Variants in DEFB125 observed in about 807,000 individuals in gnomAD.
The protein encoded by DEFB125 is defensin beta 125.
DEFB125 carries 11 observed loss-of-function variants against 11.8 expected under a neutral mutation model. The ratio of observed to expected loss-of-function variants is 0.94; its 90% CI spans 0.59 to 1.55. The LOEUF (loss-of-function observed/expected upper bound fraction) is 1.55. Among genes scored for constraint, DEFB125 ranks in the 40% most tolerant of loss-of-function variants. DEFB125 has a pLI of 0.00. For synonymous variants in DEFB125, 79 were observed against 66.7 expected, an observed-to-expected ratio of 1.18 and a Z score of -0.90; for missense variants, 198 against 191.2, an observed-to-expected ratio of 1.04 and a Z score of -0.21.
rs753566285 is a variant in DEFB125, at chr20:96,294, T to C, written c.348T>C (p.Asn116=). 6 of 1,613,982 alleles carry C rather than the reference T, an allele frequency of 3.7e-6. No individual in the cohort carries two copies. The highest frequency in any genetic ancestry group is 5.1e-6 in the Non-Finnish European group (6 of 1,180,010). Residue 116 remains asparagine (N), a synonymous_variant, in exon 2 of 2, where the codon AAT becomes AAC. Transcript: ENST00000382410. ...GAGAAACCATGACACCTGAGACCAA[T>C]ACTCCTGAGACTACTATGCCACCAT... ...KFGETMTPET[N]TPETTMPPSE...
rs1400007447 is a variant in DEFB125 at position 96,054 on chromosome 20, A to G, written c.108A>G (p.Arg36=). ...GGAAGAATAATGTAGGACATTGCAG[A>G]AGACGATGTTTAGATACTGAAAGGT... ...KCWKNNVGHC[R]RRCLDTERYI... is the part of the protein sequence containing the mutation. The change falls in exon 2 of 2, where the codon AGA becomes AGG. Residue 36 remains arginine, a synonymous_variant. Coordinates refer to ENST00000382410, the MANE Select transcript of DEFB125 (RefSeq NM_153325.4). 6.2e-7 allele frequency: 1 copy of G among 1,613,460 alleles called. No homozygotes were observed. Among genetic ancestry groups the G allele is most frequent in the East Asian group, 2.2e-5 (1 of 44,860 alleles).
rs781107020 is a variant in DEFB125, at chr20:96,092, G to A, written c.146G>A (p.Cys49Tyr). Residue 49 changes from cysteine to tyrosine, a missense_variant, in exon 2 of 2, where the codon TGT becomes TAT. Transcript: ENST00000382410. Reference protein sequence around the residue: ...CLDTERYILLCRNKLSCCISI... With the variant: ...CLDTERYILLYRNKLSCCISI... The stretch of plus-strand genomic sequence containing the variant: ...GATACTGAAAGGTACATACTTCTTT[G>A]TAGGAACAAGCTATCATGCTGCATT... The A allele has an allele frequency of 6.8e-6, 11 of 1,613,974 alleles. 1 individual carries two copies. The South Asian group carries it at 1.1e-4, about 16-fold the overall frequency.
intron 1 of DEFB125, 101 bp downstream of exon 1, chr20:87,868 T>G: frequency 7.7e-7 from 1 of 1,298,598 alleles, no homozygotes; most frequent in Non-Finnish European, 1.1e-6. Flanking sequence ...GCAGGAAAAA[T>G]CTGGGCCAAC....
At chr20:94,262 AT>A (rs2122978483) in intron 1 of DEFB125, among the ~76,000 whole-genome samples, 1 of 152,012 alleles carries the variant, frequency 6.6e-6, no homozygotes, top group East Asian at 1.9e-4. Flanking sequence ...ATTTTTTTAT[AT>A]TGGGAACATT....
At chr20:95,491 T>C (rs1417107581) in intron 1 of DEFB125, among the ~76,000 whole-genome samples, 1 of 152,192 alleles carries the variant, frequency 6.6e-6, no homozygotes, top group Admixed American at 6.5e-5. Flanking sequence ...TGCTACTATT[T>C]TGTTCAGGAT....
intron 1 of DEFB125, 143 bp from the exon 2 acceptor site, chr20:95,862 T>A (rs2054512650): frequency 2.8e-6 from 2 of 702,874 alleles, no homozygotes; most frequent in Admixed American, 3.1e-5. Context: ...CACTTTTTGT[T>A]CTCCTGTTTG....
chr20:89,524 G>A (rs1333762414), intron 1 of DEFB125, among the ~76,000 whole-genome samples: 1 of 151,886 alleles, frequency 6.6e-6, no homozygotes, highest in Non-Finnish European at 1.5e-5. Context: ...TCCAATGACT[G>A]TATAAATTTT....
At chr20:95,941 T>C in intron 1 of DEFB125, 64 bp from the exon 2 acceptor site, 5 of 1,459,158 alleles carry the variant, frequency 3.4e-6, no homozygotes, top group Non-Finnish European at 4.6e-6. Flanking sequence ...AATTTTTGAA[T>C]GAATGAAAAG....
chr20:89,522 CTG>C (rs950111002), intron 1 of DEFB125, among the ~76,000 whole-genome samples: 4 of 151,918 alleles, frequency 2.6e-5, no homozygotes, highest in African/African-American at 9.7e-5. Flanking sequence ...TTTCCAATGA[CTG>C]TATAAATTTT....
chr20:87,798 A>G (rs2054481500), intron 1 of DEFB125, 31 bp downstream of exon 1: 1 of 1,610,302 alleles, frequency 6.2e-7, no homozygotes, highest in Admixed American at 1.7e-5. Flanking sequence ...AGAGATGATG[A>G]CTAGGATGAG....
chr20:96,057 A>G lies in DEFB125; in HGVS notation c.111A>G (p.Arg37=). 6.2e-7 allele frequency: 1 copy of G among 1,613,548 alleles called. No individual in the cohort carries two copies. The highest frequency in any genetic ancestry group is 8.5e-7 in the Non-Finnish European group (1 of 1,179,566). Residue 37 remains arginine (R), a synonymous_variant, in exon 2 of 2, where the codon AGA becomes AGG. Transcript: ENST00000382410. The part of the protein sequence containing the change: ...CWKNNVGHCR[R]RCLDTERYIL... ...AGAATAATGTAGGACATTGCAGAAG[A>G]CGATGTTTAGATACTGAAAGGTACA...
chr20:93,189 G>C (rs1031860632), intron 1 of DEFB125, among the ~76,000 whole-genome samples: 1 of 151,784 alleles, frequency 6.6e-6, no homozygotes. Context: ...GGCTGGTCTC[G>C]AACTCCTGAA....
intron 1 of DEFB125, among the ~76,000 whole-genome samples, chr20:91,988 T>A (rs1411324490): frequency 6.6e-6 from 1 of 152,144 alleles, no homozygotes; most frequent in Non-Finnish European, 1.5e-5. Flanking sequence ...GAATAAATAA[T>A]TGGTGAAGCT....
Position 96,276 on chromosome 20 carries a change from C to A in DEFB125, c.330C>A (p.Thr110=). The change falls in exon 2 of 2, where the codon ACC becomes ACA. Residue 110 remains threonine (T), a synonymous_variant. Transcript: ENST00000382410. The stretch of plus-strand genomic sequence containing the variant: ...TTGACACAACTAAATTTGGAGAAAC[C>A]ATGACACCTGAGACCAATACTCCTG... ...ITFDTTKFGE[T]MTPETNTPET... is the part of the protein sequence containing the mutation. The A allele has an allele frequency of 6.2e-7, 1 of 1,614,096 alleles. No individual in the cohort carries two copies. The highest frequency in any genetic ancestry group is 8.5e-7 in the Non-Finnish European group (1 of 1,180,018).
At position 89,496 on chromosome 20, in the gene DEFB125, A is replaced by G. The variant is rs1421277146; in HGVS notation, c.58+1729A>G. Reference sequence around the variant, plus strand: ...TACTATTAGTATTTTCCCATTTACTATTTTCAAAAACTGTATTTCCAATGA... The same window carrying G: ...TACTATTAGTATTTTCCCATTTACTGTTTTCAAAAACTGTATTTCCAATGA... On this transcript the variant is annotated intron_variant, in intron 1 of 1. Transcript: ENST00000382410. Among the ~76,000 whole-genome samples the G allele has an allele frequency of 2.6e-5, 4 of 152,070 alleles. No individual in the cohort carries two copies. The East Asian group carries it at 5.8e-4, about 22-fold the overall frequency.
chr20:87,693 C>T lies in DEFB125; in HGVS notation c.-17C>T, dbSNP rs2054480763. ...CTGTATTCCTCAGGACACAGAGCTT[C>T]CTCTCTCCCAGGAGCCATGAATATC... On this transcript the variant is annotated 5_prime_UTR_variant, in exon 1 of 2. Coordinates refer to ENST00000382410, the MANE Select transcript of DEFB125 (RefSeq NM_153325.4). 1.9e-6 allele frequency: 3 copies of T among 1,612,744 alleles called. No individual in the cohort carries two copies. Among genetic ancestry groups the T allele is most frequent in the Non-Finnish European group, 2.5e-6 (3 of 1,179,004 alleles).
At position 87,760 on chromosome 20, in the gene DEFB125, G is replaced by T; in HGVS notation, c.51G>T (p.Val17=). ...TTATCTGTGGGTTGCTAACTCGGGTGACCAAAGGTAATGGAACCCTATAAA... is the reference window on the plus strand; with the variant it reads ...TTATCTGTGGGTTGCTAACTCGGGTTACCAAAGGTAATGGAACCCTATAAA... ...TFIICGLLTR[V]TKGSFEPQKC... Residue 17 remains valine (V), a synonymous_variant, in exon 1 of 2, where the codon GTG becomes GTT. Coordinates refer to ENST00000382410, the MANE Select transcript of DEFB125 (RefSeq NM_153325.4). 6.2e-7 allele frequency: 1 copy of T among 1,613,086 alleles called. No homozygotes were observed. Among genetic ancestry groups the T allele is most frequent in the South Asian group, 1.1e-5 (1 of 91,022 alleles).
intron 1 of DEFB125, among the ~76,000 whole-genome samples, chr20:92,577 G>C (rs1196710415): frequency 6.6e-6 from 1 of 151,770 alleles, no homozygotes; most frequent in African/African-American, 2.4e-5. Flanking sequence ...ATTTTTAGTA[G>C]AGACAGGTTT....
At chr20:94,509 T>C (rs1245898097) in intron 1 of DEFB125, among the ~76,000 whole-genome samples, 1 of 152,086 alleles carries the variant, frequency 6.6e-6, no homozygotes, top group African/African-American at 2.4e-5. Context: ...ATCCCTCACA[T>C]GCACAGTTCA....
Sources: allele counts gnomAD v4.1 joint callset (sites outside exome capture counted in the v4.1 genomes callset), GRCh38; gene constraint gnomAD v4.1.1; transcripts MANE v1.5; gene names NCBI Gene and HGNC (gene_info 2026-07-23, HGNC 2026-07-21).